Variants in SVIL observed in about 807,000 individuals in gnomAD.
SVIL encodes archvillin.
In SVIL, 101 loss-of-function variants were observed where a neutral mutation model predicts 240.4. The observed-to-expected ratio is 0.42, with a 90% CI of 0.36 to 0.50. The LOEUF (loss-of-function observed/expected upper bound fraction) is 0.50. Ranked by LOEUF, SVIL falls within the 20% of genes least tolerant of loss-of-function variation. SVIL has a pLI of 0.01. For synonymous variants in SVIL, 999 were observed against 1,100.0 expected, an observed-to-expected ratio of 0.91 and a Z score of 1.82; for missense variants, 2,512 against 2,818.7, an observed-to-expected ratio of 0.89 and a Z score of 2.46.
intron 1 of SVIL, among the ~76,000 whole-genome samples, chr10:29,582,354 A>G (rs1466389270): frequency 4.6e-5 from 7 of 152,194 alleles, no homozygotes; most frequent in East Asian, 1.9e-4. Flanking sequence ...ACCACTTGCC[A>G]GAGGCCAGGA....
intron 1 of SVIL, among the ~76,000 whole-genome samples, chr10:29,610,034 G>T (rs1957181655): frequency 6.6e-6 from 1 of 152,166 alleles, no homozygotes; most frequent in Non-Finnish European, 1.5e-5. Flanking sequence ...TGAGAGACTG[G>T]TAAGGACTGG....
chr10:29,509,063 T>C (rs972576343), intron 17 of SVIL, among the ~76,000 whole-genome samples: 8 of 152,222 alleles, frequency 5.3e-5, no homozygotes, highest in Admixed American at 6.5e-5. Flanking sequence ...GTTTGATTTC[T>C]CTCTGGTGGA....
intron 1 of SVIL, among the ~76,000 whole-genome samples, chr10:29,590,982 A>G (rs1956368568): frequency 6.6e-6 from 1 of 152,252 alleles, no homozygotes; most frequent in Admixed American, 6.5e-5. Context: ...CAAGACATGC[A>G]AGAAATTAAA....
Position 29,532,602 on chromosome 10 carries a change from C to A in SVIL, c.1765G>T (p.Asp589Tyr), listed in dbSNP as rs144353619. 3.7e-6 allele frequency: 6 copies of A among 1,613,958 alleles called. No homozygotes were observed. The African/African-American group carries it at 8.0e-5, about 22-fold the overall frequency. Reference protein sequence around the residue: ...EGPYGEISMLDTKVSVAQLRS... With the variant: ...EGPYGEISMLYTKVSVAQLRS... ...AGCTGGGCGACAGAGACTTTTGTGT[C>A]CAGCATGCTGATCTCCCCATAAGGC... The change falls in exon 8 of 38, where the codon GAC becomes TAC. Residue 589 changes from aspartate to tyrosine, a missense_variant. This residue lies in a region of SVIL where 1,443 missense variants were observed against 1,486.6 expected (regional missense o/e 0.97). Transcript: ENST00000355867.
intron 6 of SVIL, among the ~76,000 whole-genome samples, chr10:29,546,810 T>C (rs996116371): frequency 3.9e-5 from 6 of 152,150 alleles, no homozygotes; most frequent in African/African-American, 1.2e-4. Context: ...AACAAAATGA[T>C]TAAATGGGAA....
chr10:29,484,562 A>G lies in SVIL; in HGVS notation c.4955+94T>C. On this transcript the variant is annotated intron_variant, in intron 27 of 37. Coordinates refer to ENST00000355867, the MANE Select transcript of SVIL (RefSeq NM_021738.3). This position sits in a 1 kb window ranked among gnomAD's most constrained non-coding sequence, Gnocchi z 4.7. ...TAATCGTTTATGAAAACTGAACCCTATAAAGAGCGAGAGTAGAGGACTGTG... is the reference window on the plus strand; with the variant it reads ...TAATCGTTTATGAAAACTGAACCCTGTAAAGAGCGAGAGTAGAGGACTGTG... The G allele has an allele frequency of 8.7e-7, 1 of 1,151,968 alleles. No homozygotes were observed. Among genetic ancestry groups the G allele is most frequent in the Non-Finnish European group, 1.2e-6 (1 of 837,388 alleles). The allele number at this position is 1,151,968 out of a possible 1,614,324, so 71.4% of individuals were successfully genotyped here.
At chr10:29,469,054 T>C (rs1262980466) in intron 32 of SVIL, 1 of 152,194 alleles carries the variant, frequency 6.6e-6, no homozygotes, top group East Asian at 1.9e-4. Flanking sequence ...CCGAGATTTA[T>C]AGGATAAGTC....
chr10:29,626,323 C>T (rs539729830), intron 1 of SVIL, among the ~76,000 whole-genome samples: 18 of 152,234 alleles, frequency 1.2e-4, no homozygotes, highest in African/African-American at 4.3e-4. Context: ...TCAAGAGAAT[C>T]GCTCAGGGTA....
At chr10:29,711,994 G>A (rs995143317) in intron 1 of SVIL, 19 of 151,824 alleles carry the variant, frequency 1.3e-4, no homozygotes, top group African/African-American at 2.4e-4. Flanking sequence ...AATTCATGAC[G>A]TGTTCAATAT....
intron 6 of SVIL, among the ~76,000 whole-genome samples, chr10:29,540,076 C>T (rs998871721): frequency 1.3e-5 from 2 of 152,184 alleles, no homozygotes; most frequent in Non-Finnish European, 2.9e-5. Context: ...TACCTGTTTT[C>T]ATCCTGGCCC....
intron 1 of SVIL, among the ~76,000 whole-genome samples, chr10:29,600,328 T>G (rs958674928): frequency 6.6e-6 from 1 of 152,168 alleles, no homozygotes; most frequent in Non-Finnish European, 1.5e-5. Flanking sequence ...GTCCTCTGGT[T>G]TAGTCATTGC....
At chr10:29,623,578 C>A (rs564804711) in intron 1 of SVIL, among the ~76,000 whole-genome samples, 8 of 152,194 alleles carry the variant, frequency 5.3e-5, no homozygotes, top group African/African-American at 1.9e-4. Flanking sequence ...CAGGCAGGCG[C>A]GGAGGCTCAC....
At chr10:29,608,069 T>A (rs1306084662) in intron 1 of SVIL, among the ~76,000 whole-genome samples, 1 of 152,250 alleles carries the variant, frequency 6.6e-6, no homozygotes, top group African/African-American at 2.4e-5. Context: ...AGTCACTCTA[T>A]GCACAGCCCT....
chr10:29,674,610 A>C (rs1960056917), intron 2 of SVIL, among the ~76,000 whole-genome samples: 1 of 152,220 alleles, frequency 6.6e-6, no homozygotes, highest in Non-Finnish European at 1.5e-5. Context: ...AACCAGAGAC[A>C]GGTCTCCATT....
intron 1 of SVIL, among the ~76,000 whole-genome samples, chr10:29,725,665 C>G (rs1037950808): frequency 6.6e-6 from 1 of 152,114 alleles, no homozygotes; most frequent in African/African-American, 2.4e-5. Context: ...CTGCTGGTTG[C>G]GATGCACAGC....
chr10:29,498,510 G>T (rs115387885), intron 18 of SVIL, among the ~76,000 whole-genome samples: 6,511 of 152,224 alleles, frequency 0.043, 387 homozygotes, highest in African/African-American at 0.13. Flanking sequence ...TTCCAAATGG[G>T]TAAGTTTTGA....
At chr10:29,614,131 T>TA (rs1237154233) in intron 1 of SVIL, among the ~76,000 whole-genome samples, 2 of 152,158 alleles carry the variant, frequency 1.3e-5, no homozygotes, top group Non-Finnish European at 2.9e-5. Context: ...CCATTTTTTT[T>TA]AAAAAATTAA....
chr10:29,592,877 C>A (rs1181724789), intron 1 of SVIL, among the ~76,000 whole-genome samples: 1 of 152,096 alleles, frequency 6.6e-6, no homozygotes, highest in Non-Finnish European at 1.5e-5. Context: ...CTATCTCATT[C>A]TTTAGGGCTA....
chr10:29,602,376 G>GTC (rs1471723595), intron 1 of SVIL: 2 of 498,476 alleles, frequency 4.0e-6, no homozygotes, highest in African/African-American at 2.0e-5. Context: ...AACCTGCCTT[G>GTC]TCTCACCCTC....
Sources: gnomAD v4.1 joint callset for allele counts (sites outside exome capture counted in the v4.1 genomes callset) on GRCh38, gnomAD v4.1.1 for gene constraint, gnomAD v4.1.1 regional missense constraint, Gnocchi (gnomAD v3.1) non-coding constraint, MANE v1.5 for transcripts, NCBI Gene and HGNC (gene_info 2026-07-23, HGNC 2026-07-21) for gene names.